NRXN1: variants seen among roughly 807,000 people sequenced by gnomAD.
NRXN1 encodes neurexin-1.
In NRXN1, 39 loss-of-function variants were observed where a neutral mutation model predicts 150.9. That is an observed-to-expected ratio of 0.26 (90% confidence interval 0.20 to 0.34). The LOEUF is 0.34. Among genes scored for constraint, NRXN1 ranks in the 10% least tolerant of loss-of-function variants. The pLI, the probability that NRXN1 is intolerant of heterozygous loss-of-function variation, is 1.00. For synonymous variants in NRXN1, 924 were observed against 757.0 expected (o/e 1.22, Z -3.62); for missense variants, 1,815 against 1,949.9 (o/e 0.93, Z 1.30).
intron 5 of NRXN1, among the ~76,000 whole-genome samples, chr2:50,820,225 T>C (rs1309315552): frequency 6.6e-6 from 1 of 152,116 alleles, no homozygotes; most frequent in Non-Finnish European, 1.5e-5. Context: ...TACTATCCTT[T>C]CTATTGAATT....
At chr2:50,424,910 T>C (rs1360001787) in intron 17 of NRXN1, among the ~76,000 whole-genome samples, 1 of 152,170 alleles carries the variant, frequency 6.6e-6, no homozygotes, top group African/African-American at 2.4e-5. Flanking sequence ...ATAAGAAGCA[T>C]CCCTTTCTAC....
chr2:50,145,116 A>G (rs1045581864), intron 18 of NRXN1, among the ~76,000 whole-genome samples: 2 of 151,778 alleles, frequency 1.3e-5, no homozygotes, highest in African/African-American at 4.8e-5. Flanking sequence ...TTTAGTATTT[A>G]CTGTTTAAAA....
intron 5 of NRXN1, among the ~76,000 whole-genome samples, chr2:50,802,873 C>T (rs911375287): frequency 3.3e-5 from 5 of 152,150 alleles, no homozygotes; most frequent in Non-Finnish European, 5.9e-5. Context: ...TCAAGAAATG[C>T]GGAAGACTGC....
Position 49,947,514 on chromosome 2 carries a change from C to CT in NRXN1, c.4129-3724dup, listed in dbSNP as rs199991365. Among the ~76,000 whole-genome samples the CT allele has an allele frequency of 6.7e-3, 727 of 109,008 alleles. 2 individuals are homozygous for CT. The highest frequency in any genetic ancestry group is 8.9e-3 in the Admixed American group (86 of 9,682). 71.5% of individuals were successfully genotyped at this position (109,008 alleles called of 152,430 possible). A position where few individuals can be genotyped will look rare whatever the true frequency, so the allele number is the denominator to read the frequency against. On this transcript the variant is annotated intron_variant, in intron 21 of 22. Coordinates refer to ENST00000401669, the MANE Select transcript of NRXN1 (RefSeq NM_001330078.2). Reference sequence around the variant, plus strand: ...CTCCTTTTTTCTTTCTTTTTTTTTTCTTTTTTTTTTTTTTTTTGTAGAGAT... The same window carrying CT: ...CTCCTTTTTTCTTTCTTTTTTTTTTCTTTTTTTTTTTTTTTTTTGTAGAGAT...
At chr2:50,051,478 T>G (rs1458027856) in intron 21 of NRXN1, among the ~76,000 whole-genome samples, 2 of 152,110 alleles carry the variant, frequency 1.3e-5, no homozygotes, top group African/African-American at 2.4e-5. Flanking sequence ...AAGGAAAGTC[T>G]ATCAATTTAT....
At chr2:50,166,621 T>A (rs2059705894) in intron 18 of NRXN1, among the ~76,000 whole-genome samples, 1 of 152,130 alleles carries the variant, frequency 6.6e-6, no homozygotes, top group Admixed American at 6.5e-5. Context: ...GGCTACTAAC[T>A]TTGTAGTAAT....
Position 50,236,756 on chromosome 2 carries a change from G to C in NRXN1, c.3546+33C>G, listed in dbSNP as rs199735682. 4 of 1,605,426 alleles carry C rather than the reference G, an allele frequency of 2.5e-6. No individual in the cohort carries two copies. The South Asian group carries it at 4.4e-5, about 18-fold the overall frequency. ...CTTTACAAAAAGTTAACAGTAAAAA[G>C]TAAAAGCTGAATCTTATGCAAAAAG... On this transcript the variant is annotated intron_variant, in intron 18 of 22. Coordinates refer to ENST00000401669, the MANE Select transcript of NRXN1 (RefSeq NM_001330078.2).
At chr2:50,149,478 C>G (rs1391274339) in intron 18 of NRXN1, among the ~76,000 whole-genome samples, 1 of 151,646 alleles carries the variant, frequency 6.6e-6, no homozygotes, top group Non-Finnish European at 1.5e-5. Flanking sequence ...AATACCATAT[C>G]ATATCCTCAT....
chr2:50,898,582 T>A (rs1345534355), intron 5 of NRXN1: 4 of 488,872 alleles, frequency 8.2e-6, no homozygotes, highest in Non-Finnish European at 1.6e-5. Flanking sequence ...GATATTGTGC[T>A]CTTCCTAGGA....
intron 18 of NRXN1, among the ~76,000 whole-genome samples, chr2:50,107,539 A>ATATATATATATATTT (rs59921941): frequency 1.5e-3 from 198 of 129,830 alleles, no homozygotes; most frequent in East Asian, 8.5e-3. Flanking sequence ...ATATATATAT[A>ATATATATATATATTT]TTTTTTTTTT....
chr2:50,415,159 T>C (rs1488932172), intron 17 of NRXN1, among the ~76,000 whole-genome samples: 1 of 151,972 alleles, frequency 6.6e-6, no homozygotes, highest in African/African-American at 2.4e-5. Context: ...CTTTTAAAAT[T>C]GAAAAAAGAA....
chr2:50,031,872 T>G (rs530865314), intron 21 of NRXN1, among the ~76,000 whole-genome samples: 1 of 152,152 alleles, frequency 6.6e-6, no homozygotes, highest in African/African-American at 2.4e-5. Context: ...GTGTTCTTAT[T>G]AGAGAGCATG....
At chr2:50,786,756 A>C (rs1705175646) in intron 5 of NRXN1, among the ~76,000 whole-genome samples, 1 of 152,076 alleles carries the variant, frequency 6.6e-6, no homozygotes, top group African/African-American at 2.4e-5. Context: ...TAACATCCAG[A>C]TGCTATCATA....
chr2:50,645,627 T>C (rs1684711804), intron 5 of NRXN1, among the ~76,000 whole-genome samples: 2 of 151,968 alleles, frequency 1.3e-5, no homozygotes, highest in South Asian at 2.1e-4. Context: ...TCAACAGATA[T>C]CTGTTGAATT....
chr2:50,459,265 T>C (rs1372761305), intron 17 of NRXN1, among the ~76,000 whole-genome samples: 2 of 152,164 alleles, frequency 1.3e-5, no homozygotes, highest in African/African-American at 4.8e-5. Context: ...ATTTAACCGT[T>C]TGCTCTCTTC....
At chr2:50,732,320 CT>C in intron 5 of NRXN1, among the ~76,000 whole-genome samples, 2 of 152,194 alleles carry the variant, frequency 1.3e-5, no homozygotes, top group South Asian at 4.1e-4. Flanking sequence ...CTGTTCCCAA[CT>C]CAATGTTCTC....
intron 21 of NRXN1, among the ~76,000 whole-genome samples, chr2:50,009,440 T>A (rs562462580): frequency 2.9e-4 from 44 of 152,266 alleles, no homozygotes; most frequent in South Asian, 8.3e-4. Flanking sequence ...TGAAATTTAC[T>A]TGCTGGAAAG....
chr2:50,793,695 G>T (rs1031791328), intron 5 of NRXN1, among the ~76,000 whole-genome samples: 12 of 151,998 alleles, frequency 7.9e-5, no homozygotes, highest in Non-Finnish European at 1.5e-5. Flanking sequence ...AATCCAAAGG[G>T]ACATACTGAG....
intron 17 of NRXN1, among the ~76,000 whole-genome samples, chr2:50,261,297 T>G (rs1302112762): frequency 6.6e-6 from 1 of 151,808 alleles, no homozygotes; most frequent in African/African-American, 2.4e-5. Context: ...AATATTTAAT[T>G]ATTTTTCCCA....
Sources: gnomAD v4.1 joint callset for allele counts (sites outside exome capture counted in the v4.1 genomes callset) on GRCh38, gnomAD v4.1.1 for gene constraint, MANE v1.5 for transcripts, NCBI Gene and HGNC (gene_info 2026-07-23, HGNC 2026-07-21) for gene names.